The following NUP93 variants were observed in gnomAD, a reference collection of about 807,000 sequenced individuals.
NUP93 encodes nucleoporin 93, also known as nuclear pore complex protein Nup93.
In NUP93, 55 loss-of-function variants were observed where a neutral mutation model predicts 107.8. That is an observed-to-expected ratio of 0.51 (90% CI 0.41 to 0.64). The LOEUF is 0.64. Ranked by LOEUF, NUP93 falls within the 30% of genes least tolerant of loss-of-function variation. The pLI, the probability that NUP93 is intolerant of heterozygous loss-of-function variation, is 0.00. For synonymous variants in NUP93, 390 were observed against 397.5 expected (o/e 0.98, Z 0.22); for missense variants, 937 against 1,044.7 (o/e 0.90, Z 1.42).
chr16:56,752,853 T>C (rs1961948823), intron 2 of NUP93, among the ~76,000 whole-genome samples: 1 of 152,212 alleles, frequency 6.6e-6, no homozygotes, highest in Admixed American at 6.5e-5. Context: ...AACCCATGTG[T>C]CTGTGATCAG....
At chr16:56,822,563 TC>T (rs2144612163) in intron 7 of NUP93, among the ~76,000 whole-genome samples, 1 of 40,198 alleles carries the variant, frequency 2.5e-5, no homozygotes, top group African/African-American at 1.2e-4. Flanking sequence ...TCTTTTCTTT[TC>T]TTTTTTTTTT....
At chr16:56,796,154 CCTT>C (rs1356087135) in intron 3 of NUP93, among the ~76,000 whole-genome samples, 1 of 152,162 alleles carries the variant, frequency 6.6e-6, no homozygotes, top group African/African-American at 2.4e-5. Context: ...GCCTCCCCCA[CCTT>C]CTTAAAAAGA....
At chr16:56,833,500 A>G in intron 13 of NUP93, 94 bp downstream of exon 13, 1 of 998,920 alleles carries the variant, frequency 1.0e-6, no homozygotes, top group Non-Finnish European at 1.4e-6. Context: ...TAAGGATTTG[A>G]GCAAAGGGTA....
intron 1 of NUP93, among the ~76,000 whole-genome samples, chr16:56,739,537 A>C (rs1395800719): frequency 1.9e-4 from 11 of 58,676 alleles, no homozygotes; most frequent in East Asian, 1.2e-3. Context: ...ACCCCCCCCC[A>C]CCTCCCTCCC....
intron 3 of NUP93, among the ~76,000 whole-genome samples, chr16:56,771,833 A>C (rs1201000342): frequency 6.6e-6 from 1 of 152,192 alleles, no homozygotes; most frequent in Non-Finnish European, 1.5e-5. Context: ...CATTGCTCCC[A>C]AGCAAATGAA....
rs528195885 is a variant in NUP93 at position 56,821,351 on chromosome 16, A to G, written c.565-153A>G. On this transcript the variant is annotated intron_variant, in intron 6 of 21. Transcript: ENST00000308159. ...CTTTGGTGTGTTACCCACAACCCCA[A>G]CGCAACTGGGGAGCTGGCCAGTGTG... 8.5e-5 allele frequency among the ~76,000 whole-genome samples: 13 copies of G among 152,288 alleles called. No homozygotes were observed. The East Asian group carries it at 9.6e-4, about 11-fold the overall frequency.
At chr16:56,792,778 CAAA>C (rs1962798274) in intron 3 of NUP93, among the ~76,000 whole-genome samples, 1 of 152,184 alleles carries the variant, frequency 6.6e-6, no homozygotes. Context: ...ATGATGAAAA[CAAA>C]TTTAAGGAAA....
At chr16:56,813,204 A>G (rs2144592647) in intron 5 of NUP93, among the ~76,000 whole-genome samples, 1 of 152,324 alleles carries the variant, frequency 6.6e-6, no homozygotes, top group South Asian at 2.1e-4. Context: ...AACTCTTAAT[A>G]CCATATTCCA....
chr16:56,815,828 G>T (rs1473744567), intron 5 of NUP93, among the ~76,000 whole-genome samples: 1 of 149,162 alleles, frequency 6.7e-6, no homozygotes, highest in Non-Finnish European at 1.5e-5. Context: ...TCACATTGTT[G>T]TAAGTAGTGG....
chr16:56,761,309 A>T (rs568601130), intron 3 of NUP93, among the ~76,000 whole-genome samples: 1 of 152,200 alleles, frequency 6.6e-6, no homozygotes, highest in Non-Finnish European at 1.5e-5. Context: ...CTTGTTTAGT[A>T]ACCAAGCATA....
chr16:56,802,238 A>G (rs1251237358), intron 4 of NUP93, among the ~76,000 whole-genome samples: 1 of 152,208 alleles, frequency 6.6e-6, no homozygotes, highest in Admixed American at 6.5e-5. Flanking sequence ...AAAGTTTTAG[A>G]CAAAATTGTG....
At position 56,836,694 on chromosome 16, in the gene NUP93, G is replaced by A. The variant is rs541498650; in HGVS notation, c.1876G>A (p.Ala626Thr). 6.2e-7 allele frequency: 1 copy of A among 1,613,374 alleles called. No homozygotes were observed. Among genetic ancestry groups the A allele is most frequent in the Admixed American group, 1.7e-5 (1 of 59,980 alleles). Residue 626 changes from alanine (A) to threonine (T), a missense_variant, in exon 17 of 22, where the codon GCA becomes ACA. Ala to Thr is a moderately conservative substitution (Grantham distance 58, BLOSUM62 0). Coordinates refer to ENST00000308159, the MANE Select transcript of NUP93 (RefSeq NM_014669.5). ...AENKGLFEEA[A>T]KLYDLAKNAD... ...AAATAAAGGACTGTTTGAAGAGGCAGCAAAGCTGTATGACCTTGCCAAGGT... is the reference window on the plus strand; with the variant it reads ...AAATAAAGGACTGTTTGAAGAGGCAACAAAGCTGTATGACCTTGCCAAGGT...
chr16:56,741,035 G>GGGAGAA (rs1491261019), intron 1 of NUP93, among the ~76,000 whole-genome samples: 1 of 151,698 alleles, frequency 6.6e-6, no homozygotes, highest in African/African-American at 2.4e-5. Flanking sequence ...GAGAGGGAGA[G>GGGAGAA]CGCTAAATTT....
At chr16:56,807,794 G>A (rs1256486760) in intron 5 of NUP93, among the ~76,000 whole-genome samples, 1 of 151,866 alleles carries the variant, frequency 6.6e-6, no homozygotes, top group Non-Finnish European at 1.5e-5. Context: ...AGGCCAAGGA[G>A]GGTGGATCAC....
At position 56,794,090 on chromosome 16, in the gene NUP93, GTAGATAGATAGA is replaced by G. The variant is rs369592998; in HGVS notation, c.298-4356_298-4345del. ...GATAGATAGGTAGGTAGGTAGGTAGGTAGATAGATAGATAGATAGATAGATAGATAGATAGAT... is the reference window on the plus strand; with the variant it reads ...GATAGATAGGTAGGTAGGTAGGTAGGTAGATAGATAGATAGATAGATAGAT... On this transcript the variant is annotated intron_variant, in intron 3 of 21. Transcript: ENST00000308159. Among the ~76,000 whole-genome samples, 233 of 76,060 alleles carry G rather than the reference GTAGATAGATAGA, an allele frequency of 3.1e-3. 1 individual carries two copies. The highest frequency in any genetic ancestry group is 3.2e-3 in the Non-Finnish European group (119 of 37,080). 49.9% of individuals were successfully genotyped at this position (76,060 alleles called of 152,430 possible). A position where few individuals can be genotyped will look rare whatever the true frequency, so the allele number is the denominator to read the frequency against.
At chr16:56,827,071 T>TAAAAAAAAAAAAA (rs1567407800) in intron 8 of NUP93, among the ~76,000 whole-genome samples, 3 of 69,308 alleles carry the variant, frequency 4.3e-5, no homozygotes, top group African/African-American at 1.5e-4. Context: ...AAAAAAAAAT[T>TAAAAAAAAAAAAA]TTGTTGAGTC....
At chr16:56,790,531 C>T (rs1186253169) in intron 3 of NUP93, among the ~76,000 whole-genome samples, 2 of 152,298 alleles carry the variant, frequency 1.3e-5, no homozygotes, top group East Asian at 1.9e-4. Context: ...CTGTTGTGCT[C>T]ATCTGAAAAC....
chr16:56,822,201 G>T (rs368657970), intron 7 of NUP93, among the ~76,000 whole-genome samples: 10 of 151,580 alleles, frequency 6.6e-5, no homozygotes, highest in African/African-American at 2.2e-4. Flanking sequence ...CCCATACACA[G>T]ATTTTTTTTG....
At chr16:56,739,518 G>C (rs1365557785) in intron 1 of NUP93, among the ~76,000 whole-genome samples, 3 of 116,232 alleles carry the variant, frequency 2.6e-5, no homozygotes, top group Admixed American at 2.4e-4. Flanking sequence ...TGGCCGGGCG[G>C]GGGGGCTGAC....
Sources: gnomAD v4.1 joint callset for allele counts (sites outside exome capture counted in the v4.1 genomes callset) on GRCh38, gnomAD v4.1.1 for gene constraint, MANE v1.5 for transcripts, NCBI Gene and HGNC (gene_info 2026-07-23, HGNC 2026-07-21) for gene names.